The following TOMM20 variants were observed in gnomAD, a reference collection of about 807,000 sequenced individuals.
The protein encoded by TOMM20 is mitochondrial import receptor subunit TOM20 homolog.
A neutral mutation model predicts 22.1 loss-of-function variants in TOMM20; 10 were observed. The observed-to-expected ratio is 0.45, with a 90% CI of 0.28 to 0.77. TOMM20 has a LOEUF of 0.77. TOMM20 is among the 30% of genes least tolerant of loss of function. The pLI is 0.13. For synonymous variants in TOMM20, 55 were observed against 61.4 expected, an observed-to-expected ratio of 0.90 and a Z score of 0.49; for missense variants, 121 against 172.2, an observed-to-expected ratio of 0.70 and a Z score of 1.66.
intron 2 of TOMM20, among the ~76,000 whole-genome samples, chr1:235,121,500 A>T (rs1442051884): frequency 6.6e-6 from 1 of 152,246 alleles, no homozygotes; most frequent in Non-Finnish European, 1.5e-5. Flanking sequence ...TACTAGAACG[A>T]AGTAGTTTCC....
At position 235,111,959 on chromosome 1, in the gene TOMM20, T is replaced by A. The variant is rs562492167; in HGVS notation, c.*105A>T. The A allele has an allele frequency of 8.8e-5, 74 of 838,396 alleles. No homozygotes were observed. Among genetic ancestry groups the A allele is most frequent in the Non-Finnish European group, 1.3e-4 (64 of 502,800 alleles). The allele number at this position is 838,396 out of a possible 1,614,324, so 51.9% of individuals were successfully genotyped here. ...ACATTAACTTTGGTAGATTTCAGTG[T>A]AGTTCATAACAAGCATATTTGCCCT... On this transcript the variant is annotated 3_prime_UTR_variant, in exon 5 of 5. Transcript: ENST00000366607.
At chr1:235,120,006 TAA>T in intron 2 of TOMM20, 107 bp from the exon 3 acceptor site, 1 of 602,928 alleles carries the variant, frequency 1.7e-6, no homozygotes, top group Non-Finnish European at 2.7e-6. Context: ...TCACTCATTC[TAA>T]AAAAATCTGA....
intron 1 of TOMM20, among the ~76,000 whole-genome samples, chr1:235,126,664 A>G (rs1178211766): frequency 3.3e-5 from 5 of 151,892 alleles, no homozygotes; most frequent in Non-Finnish European, 7.4e-5. Flanking sequence ...TTAGCCTGGC[A>G]TGGTGGTGTG....
intron 2 of TOMM20, 60 bp downstream of exon 2, chr1:235,122,266 A>G (rs1660942509): frequency 7.4e-7 from 1 of 1,354,906 alleles, no homozygotes; most frequent in Admixed American, 2.5e-5. Context: ...ATTTCCAATT[A>G]CAGATTTTAA....
Position 235,128,617 on chromosome 1 carries a change from G to C in TOMM20, c.99C>G (p.Asn33Lys). The part of the protein sequence containing the change: ...YFDRKRRSDP[N>K]FKNRLRERRK... ...CACGTTCTCGAAGCCTGTTCTTGAA[G>C]TTGGGGTCACTTCGTCTTTTGCGGT... The change falls in exon 1 of 5, where the codon AAC becomes AAG. Residue 33 changes from asparagine (N) to lysine (K), a missense_variant. Physicochemically the swap from Asn to Lys is moderately conservative, Grantham distance 94. Coordinates refer to ENST00000366607, the MANE Select transcript of TOMM20 (RefSeq NM_014765.3). 6.2e-7 allele frequency: 1 copy of C among 1,613,176 alleles called. No individual in the cohort carries two copies. Among genetic ancestry groups the C allele is most frequent in the Non-Finnish European group, 8.5e-7 (1 of 1,179,952 alleles).
intron 2 of TOMM20, among the ~76,000 whole-genome samples, chr1:235,120,331 G>A (rs1328095254): frequency 6.6e-6 from 1 of 151,404 alleles, no homozygotes; most frequent in African/African-American, 2.4e-5. Flanking sequence ...GGAGTGCAGT[G>A]GCACAATCCC....
chr1:235,116,917 C>A (rs781605040), intron 3 of TOMM20, among the ~76,000 whole-genome samples: 1 of 151,762 alleles, frequency 6.6e-6, no homozygotes, highest in Non-Finnish European at 1.5e-5. Context: ...GGGCGGATCA[C>A]AAGGTCAGGA....
chr1:235,116,963 G>A (rs761462574), intron 3 of TOMM20, among the ~76,000 whole-genome samples: 68 of 149,952 alleles, frequency 4.5e-4, no homozygotes, highest in Admixed American at 4.0e-4. Context: ...GTGAAACCCC[G>A]TCTCTACTAA....
intron 3 of TOMM20, among the ~76,000 whole-genome samples, chr1:235,117,564 A>G (rs371921895): frequency 2.6e-5 from 4 of 152,094 alleles, no homozygotes; most frequent in East Asian, 3.8e-4. Context: ...GTCTTAGGGA[A>G]TATCTCTACC....
rs1361089336 is a variant in TOMM20 at position 235,128,705 on chromosome 1, C to G, written c.11G>C (p.Arg4Pro). Residue 4 changes from arginine to proline, a missense_variant, in exon 1 of 5, where the codon CGG (arginine) becomes CCG (proline). Arg to Pro is a moderately radical substitution (Grantham distance 103). Coordinates refer to ENST00000366607, the MANE Select transcript of TOMM20 (RefSeq NM_014765.3). MVG[R>P]NSAIAAGVCG... ...TACACCGGCGGCGATGGCGCTGTTC[C>G]GACCCACCATCTTCTCTACAACGCT... 19 of 1,614,046 alleles carry G rather than the reference C, an allele frequency of 1.2e-5. No homozygotes were observed. The highest frequency in any genetic ancestry group is 1.4e-5 in the Non-Finnish European group (17 of 1,179,928).
In TOMM20 at chr1:235,128,731, G is replaced by A. The variant is rs187189945; in HGVS notation, c.-16C>T. The A allele has an allele frequency of 7.9e-5, 127 of 1,613,702 alleles. No homozygotes were observed. In the East Asian group the frequency reaches 1.8e-3, roughly 22 times the overall value. On this transcript the variant is annotated 5_prime_UTR_variant, in exon 1 of 5. Transcript: ENST00000366607. Reference sequence around the variant, plus strand: ...GACCCACCATCTTCTCTACAACGCTGAGCGTGGACGGTGGCGGCAGGGACC... The same window carrying A: ...GACCCACCATCTTCTCTACAACGCTAAGCGTGGACGGTGGCGGCAGGGACC...
In TOMM20 at chr1:235,111,104, A is replaced by G. The variant is rs1660732641; in HGVS notation, c.*960T>C. ...TCGGATTAATTTACAGAGTAGTGAC[A>G]GAACCATATAATTTCAGTGAAAATC... On this transcript the variant is annotated 3_prime_UTR_variant, in exon 5 of 5. Transcript: ENST00000366607. The G allele has an allele frequency of 6.6e-6, 1 of 152,250 alleles. No homozygotes were observed. The highest frequency in any genetic ancestry group is 2.1e-4 in the South Asian group (1 of 4,832). 9.4% of individuals were successfully genotyped at this position (152,250 alleles called of 1,614,324 possible). A position where few individuals can be genotyped will look rare whatever the true frequency, so the allele number is the denominator to read the frequency against.
intron 3 of TOMM20, among the ~76,000 whole-genome samples, chr1:235,116,925 G>T (rs748212603): frequency 1.3e-5 from 2 of 150,378 alleles, no homozygotes; most frequent in East Asian, 2.0e-4. Flanking sequence ...CACAAGGTCA[G>T]GAGATCGAGA....
chr1:235,113,671 T>C, intron 4 of TOMM20, 97 bp downstream of exon 4: 1 of 1,442,988 alleles, frequency 6.9e-7, no homozygotes, highest in Non-Finnish European at 9.3e-7. Context: ...ACAGATAAGT[T>C]TATTTCATCA....
Position 235,116,129 on chromosome 1 carries a change from G to A in TOMM20, c.251-2219C>T, listed in dbSNP as rs1041838965. On this transcript the variant is annotated intron_variant, in intron 3 of 4. Transcript: ENST00000366607. ...AGTAAAGTAAATCTCAGAAATGAAC[G>A]GGAACGGCGGCTCACACCTGTAATC... Among the ~76,000 whole-genome samples the A allele has an allele frequency of 3.9e-5, 6 of 152,240 alleles. No individual in the cohort carries two copies. The East Asian group carries it at 7.7e-4, about 20-fold the overall frequency.
Position 235,112,208 on chromosome 1 carries a change from T to C in TOMM20, c.394-100A>G, listed in dbSNP as rs1308096113. 20 of 965,724 alleles carry C rather than the reference T, an allele frequency of 2.1e-5. No homozygotes were observed. The Admixed American group carries it at 5.6e-4, about 27-fold the overall frequency. The allele number at this position is 965,724 out of a possible 1,614,324, so 59.8% of individuals were successfully genotyped here. A position where few individuals can be genotyped will look rare whatever the true frequency, so the allele number is the denominator to read the frequency against. ...TCTTTGTATTCAAAGAATTGAATCT[T>C]AGTAAAGTTCACCCATTCTGACATT... On this transcript the variant is annotated intron_variant, in intron 4 of 4. Coordinates refer to ENST00000366607, the MANE Select transcript of TOMM20 (RefSeq NM_014765.3).
intron 1 of TOMM20, among the ~76,000 whole-genome samples, chr1:235,125,742 C>CTTT (rs397863373): frequency 1.4e-5 from 2 of 141,310 alleles, no homozygotes; most frequent in Non-Finnish European, 3.1e-5. Context: ...CGCAACTGCA[C>CTTT]TTTTTTTTTT....
intron 3 of TOMM20, among the ~76,000 whole-genome samples, chr1:235,116,821 T>C (rs1660835563): frequency 6.6e-6 from 1 of 152,030 alleles, no homozygotes; most frequent in East Asian, 1.9e-4. Context: ...CGATATAAAT[T>C]CACAGGAAAT....
chr1:235,115,221 T>C (rs1020170039), intron 3 of TOMM20, among the ~76,000 whole-genome samples: 7 of 152,120 alleles, frequency 4.6e-5, no homozygotes, highest in African/African-American at 1.7e-4. Flanking sequence ...CCCAAAATAT[T>C]TGAGCAAAAC....
Sources: allele counts gnomAD v4.1 joint callset (sites outside exome capture counted in the v4.1 genomes callset), GRCh38; gene constraint gnomAD v4.1.1; transcripts MANE v1.5; gene names NCBI Gene and HGNC (gene_info 2026-07-23, HGNC 2026-07-21).